Variants in AKAP6 observed in about 807,000 individuals in gnomAD.
AKAP6 encodes A-kinase anchor protein 6.
In AKAP6, 58 loss-of-function variants were observed where a neutral mutation model predicts 188.5. The ratio of observed to expected loss-of-function variants is 0.31; its 90% confidence interval spans 0.25 to 0.38. AKAP6 has a LOEUF of 0.38. AKAP6 is among the 10% of genes least tolerant of loss of function. The pLI is 1.00. For synonymous variants in AKAP6, 989 were observed against 998.6 expected, an observed-to-expected ratio of 0.99 and a Z score of 0.18; for missense variants, 2,710 against 2,740.0, an observed-to-expected ratio of 0.99 and a Z score of 0.24.
At chr14:32,799,862 C>T (rs919881123) in intron 12 of AKAP6, among the ~76,000 whole-genome samples, 2 of 151,638 alleles carry the variant, frequency 1.3e-5, no homozygotes, top group Non-Finnish European at 2.9e-5. Flanking sequence ...AACTATGTAC[C>T]TATTGATTTT....
intron 2 of AKAP6, among the ~76,000 whole-genome samples, chr14:32,461,555 C>G (rs1054838686): frequency 6.6e-6 from 1 of 152,078 alleles, no homozygotes; most frequent in African/African-American, 2.4e-5. Flanking sequence ...AGGACCCCCA[C>G]ACAAAAACTC....
chr14:32,800,153 C>CATATATATACACATATATATACAT (rs1221246195), intron 12 of AKAP6, among the ~76,000 whole-genome samples: 1,186 of 117,608 alleles, frequency 0.01, 23 homozygotes, highest in African/African-American at 0.035. Context: ...CACATATATA[C>CATATATATACACATATATATACAT]ATATATATAC....
chr14:32,367,449 T>C (rs1467476934), intron 1 of AKAP6, among the ~76,000 whole-genome samples: 1 of 152,256 alleles, frequency 6.6e-6, no homozygotes, highest in East Asian at 1.9e-4. Context: ...TCAAATATTA[T>C]TTATTTTGTA....
intron 2 of AKAP6, among the ~76,000 whole-genome samples, chr14:32,506,997 A>T (rs1280706515): frequency 2.6e-5 from 4 of 152,206 alleles, no homozygotes; most frequent in Non-Finnish European, 2.9e-5. Flanking sequence ...TTCCTGAGTT[A>T]TACAAAGGAA....
Position 32,450,681 on chromosome 14 carries a change from G to C in AKAP6, c.324+16864G>C, listed in dbSNP as rs538837900. ...TCATCAGTTATAATATCATTTTCAC[G>C]TAAGAGTAACAGATTTGGATGTATT... On this transcript the variant is annotated intron_variant, in intron 2 of 13. Transcript: ENST00000280979. Among the ~76,000 whole-genome samples the C allele has an allele frequency of 4.6e-5, 7 of 152,172 alleles. No homozygotes were observed. The South Asian group carries it at 1.5e-3, about 32-fold the overall frequency.
At chr14:32,507,746 A>C (rs1489308871) in intron 2 of AKAP6, among the ~76,000 whole-genome samples, 1 of 152,244 alleles carries the variant, frequency 6.6e-6, no homozygotes, top group Non-Finnish European at 1.5e-5. Flanking sequence ...ACAGGGCTTA[A>C]ATTGGATCTT....
intron 12 of AKAP6, among the ~76,000 whole-genome samples, chr14:32,817,779 T>G (rs1000730270): frequency 2.6e-5 from 4 of 152,172 alleles, no homozygotes; most frequent in Non-Finnish European, 5.9e-5. Flanking sequence ...ATAGCTCCTC[T>G]GGGAAAACAA....
intron 1 of AKAP6, among the ~76,000 whole-genome samples, chr14:32,432,572 T>C (rs888966622): frequency 2.0e-5 from 3 of 152,180 alleles, no homozygotes; most frequent in African/African-American, 7.2e-5. Flanking sequence ...TTCAGTACAA[T>C]CCATGATTTA....
intron 1 of AKAP6, among the ~76,000 whole-genome samples, chr14:32,398,181 G>A (rs1888941006): frequency 6.6e-6 from 1 of 152,214 alleles, no homozygotes; most frequent in Non-Finnish European, 1.5e-5. Context: ...TTGGTATTGT[G>A]CAAGGGCTGG....
chr14:32,601,358 A>G (rs1885921469), intron 7 of AKAP6, among the ~76,000 whole-genome samples: 1 of 152,176 alleles, frequency 6.6e-6, no homozygotes, highest in African/African-American at 2.4e-5. Flanking sequence ...ATAATGGTAC[A>G]AGCACCGAAT....
chr14:32,365,051 A>G (rs1594543997), intron 1 of AKAP6, among the ~76,000 whole-genome samples: 1 of 152,192 alleles, frequency 6.6e-6, no homozygotes, highest in African/African-American at 2.4e-5. Flanking sequence ...CCAAGTTAGC[A>G]TATTGAAACA....
chr14:32,765,158 C>T (rs2032671969), intron 11 of AKAP6, among the ~76,000 whole-genome samples: 1 of 152,082 alleles, frequency 6.6e-6, no homozygotes, highest in Non-Finnish European at 1.5e-5. Context: ...TGGTCTTGAA[C>T]TCCTGACCTC....
rs1346517140 is a variant in AKAP6, at chr14:32,823,411, A to G, written c.5598A>G (p.Ser1866=). ...AAAATAATGGAAATGGTAAGAATTC[A>G]TCTCATACCCATGAGTTAGGGACAA... ...VSENNGNGKN[S]SHTHELGTKR... The change falls in exon 13 of 14, where the codon TCA becomes TCG. Residue 1866 remains serine, a synonymous_variant. Transcript: ENST00000280979. 2 of 1,613,850 alleles carry G rather than the reference A, an allele frequency of 1.2e-6. No homozygotes were observed. The highest frequency in any genetic ancestry group is 2.2e-5 in the South Asian group (2 of 91,078).
intron 9 of AKAP6, among the ~76,000 whole-genome samples, chr14:32,702,044 A>T (rs769018593): frequency 2.0e-5 from 3 of 152,204 alleles, no homozygotes; most frequent in Non-Finnish European, 4.4e-5. Context: ...AATGAAACAA[A>T]TTACAGTTAT....
chr14:32,666,735 T>A (rs986110303), intron 7 of AKAP6, among the ~76,000 whole-genome samples: 4 of 152,068 alleles, frequency 2.6e-5, no homozygotes, highest in Admixed American at 6.6e-5. Context: ...AATGAGGATA[T>A]CTTACATTTT....
chr14:32,750,748 T>TTG (rs1377295058), intron 11 of AKAP6, among the ~76,000 whole-genome samples: 18 of 137,406 alleles, frequency 1.3e-4, no homozygotes, highest in South Asian at 4.5e-4. Context: ...TTTTTTTTTT[T>TTG]TTGTTTTTTT....
chr14:32,452,749 C>T (rs767511856), intron 2 of AKAP6, among the ~76,000 whole-genome samples: 5 of 152,302 alleles, frequency 3.3e-5, no homozygotes, highest in Non-Finnish European at 5.9e-5. Context: ...TATTAATAAA[C>T]AATTCCTTGG....
At position 32,372,864 on chromosome 14, in the gene AKAP6, C is replaced by T. The variant is rs142566023; in HGVS notation, c.-35+43456C>T. ...GAGAGAGAAAAAGAAAGAGAGCGAG[C>T]GAGCATTATGGGATTTGGGTAGTTT... On this transcript the variant is annotated intron_variant, in intron 1 of 13. Transcript: ENST00000280979. 1.9e-3 allele frequency among the ~76,000 whole-genome samples: 282 copies of T among 150,884 alleles called. 1 individual carries two copies. Among genetic ancestry groups the T allele is most frequent in the African/African-American group, 6.6e-3 (272 of 41,014 alleles).
At chr14:32,631,239 C>G (rs938476511) in intron 7 of AKAP6, among the ~76,000 whole-genome samples, 1 of 151,720 alleles carries the variant, frequency 6.6e-6, no homozygotes, top group Admixed American at 6.6e-5. Flanking sequence ...TTGAGCGCCC[C>G]GTATATAAGA....
Sources: allele counts gnomAD v4.1 joint callset (sites outside exome capture counted in the v4.1 genomes callset), GRCh38; gene constraint gnomAD v4.1.1; transcripts MANE v1.5; gene names NCBI Gene and HGNC (gene_info 2026-07-23, HGNC 2026-07-21).